Variants in ULK4 observed in about 807,000 individuals in gnomAD.
ULK4 encodes unc-51 like kinase 4.
A neutral mutation model predicts 160.6 loss-of-function variants in ULK4; 133 were observed. The ratio of observed to expected loss-of-function variants is 0.83; its 90% CI spans 0.72 to 0.96. ULK4 has a LOEUF of 0.96. Among genes scored for constraint, ULK4 ranks in the 40% least tolerant of loss-of-function variants. The probability of loss-of-function intolerance (pLI) is 0.00; values close to 1 mark genes in which losing one functional copy is unlikely to be tolerated. For synonymous variants in ULK4, 534 were observed against 539.8 expected, an observed-to-expected ratio of 0.99 and a Z score of 0.15; for missense variants, 1,580 against 1,499.5, an observed-to-expected ratio of 1.05 and a Z score of -0.89.
At chr3:41,535,006 G>A (rs2086450208) in intron 32 of ULK4, among the ~76,000 whole-genome samples, 1 of 152,026 alleles carries the variant, frequency 6.6e-6, no homozygotes, top group African/African-American at 2.4e-5. Context: ...CACACATAAG[G>A]GGAAAACGTA....
chr3:41,572,765 CAAA>C (rs34025379), intron 31 of ULK4, among the ~76,000 whole-genome samples: 5,033 of 81,294 alleles, frequency 0.062, 266 homozygotes, highest in African/African-American at 0.17. Context: ...GATTCCATCT[CAAA>C]AAAAAAAAAA....
intron 18 of ULK4, among the ~76,000 whole-genome samples, chr3:41,826,770 G>T (rs952182026): frequency 6.7e-6 from 1 of 148,438 alleles, no homozygotes; most frequent in Non-Finnish European, 1.5e-5. Flanking sequence ...AGTTAACAAG[G>T]ATATCCAGGA....
At chr3:41,475,916 T>TGAGGGAAGGAGC (rs2084127250) in intron 32 of ULK4, among the ~76,000 whole-genome samples, 1 of 128,614 alleles carries the variant, frequency 7.8e-6, no homozygotes, top group Non-Finnish European at 1.6e-5. Flanking sequence ...AGGGAAGGAG[T>TGAGGGAAGGAGC]GAGGGAAGGA....
At chr3:41,660,025 C>A (rs1485224513) in intron 30 of ULK4, among the ~76,000 whole-genome samples, 4 of 152,132 alleles carry the variant, frequency 2.6e-5, no homozygotes, top group African/African-American at 7.2e-5. Flanking sequence ...CAAGGTGGCT[C>A]ACGCCTGTAA....
At chr3:41,512,546 AC>A (rs1233155028) in intron 32 of ULK4, among the ~76,000 whole-genome samples, 11 of 152,242 alleles carry the variant, frequency 7.2e-5, no homozygotes, top group African/African-American at 2.4e-4. Context: ...TAAATAAAAC[AC>A]TTCAGAATAT....
chr3:41,563,483 G>A lies in ULK4; in HGVS notation c.3226+2542C>T, dbSNP rs541401683. On this transcript the variant is annotated intron_variant, in intron 32 of 36. Coordinates refer to ENST00000301831, the MANE Select transcript of ULK4 (RefSeq NM_017886.4). ...ACCTTGGTTCCATTCTCCCCGTCAC[G>A]TTCAGGTACACCAATCAAAAGTAGA... Among the ~76,000 whole-genome samples the A allele has an allele frequency of 3.9e-5, 6 of 152,224 alleles. No homozygotes were observed. In the South Asian group the frequency reaches 1.0e-3, roughly 26 times the overall value.
intron 22 of ULK4, among the ~76,000 whole-genome samples, chr3:41,750,719 G>C (rs2038591380): frequency 1.3e-5 from 2 of 151,958 alleles, no homozygotes; most frequent in Non-Finnish European, 2.9e-5. Flanking sequence ...GGTCTGGCCG[G>C]GTGTGGTGGC....
intron 32 of ULK4, among the ~76,000 whole-genome samples, chr3:41,530,121 C>T (rs982485691): frequency 3.3e-5 from 5 of 152,068 alleles, no homozygotes; most frequent in South Asian, 2.1e-4. Flanking sequence ...ATGGATTTTA[C>T]GATATGTGAA....
chr3:41,900,864 C>T (rs768807309), intron 12 of ULK4, 35 bp from the exon 13 acceptor site: 14 of 1,501,012 alleles, frequency 9.3e-6, no homozygotes, highest in Admixed American at 6.7e-5. Context: ...TTTGTTTCTG[C>T]GACTAATGTA....
intron 27 of ULK4, among the ~76,000 whole-genome samples, chr3:41,693,260 T>C (rs950209678): frequency 6.6e-6 from 1 of 152,192 alleles, no homozygotes; most frequent in Non-Finnish European, 1.5e-5. Context: ...ATATAAGGGA[T>C]TCTGGCAGTA....
At position 41,717,799 on chromosome 3, in the gene ULK4, C is replaced by A. The variant is rs1483543975; in HGVS notation, c.2384G>T (p.Gly795Val). ...KTTPGKEQQS[G>V]NEYLSKCLDL... ...CAGGCATTTGGACAGGTATTCATTGCCACTTTGCTGCTCCTTGCCTGGAGT... is the reference window on the plus strand; with the variant it reads ...CAGGCATTTGGACAGGTATTCATTGACACTTTGCTGCTCCTTGCCTGGAGT... The change falls in exon 23 of 37, where the codon GGC becomes GTC. Residue 795 changes from glycine (G) to valine (V), a missense_variant. By Grantham distance (109) the Gly-to-Val change is moderately radical. Coordinates refer to ENST00000301831, the MANE Select transcript of ULK4 (RefSeq NM_017886.4). The A allele has an allele frequency of 3.1e-6, 5 of 1,614,108 alleles. No homozygotes were observed. The highest frequency in any genetic ancestry group is 4.2e-6 in the Non-Finnish European group (5 of 1,179,988).
intron 35 of ULK4, among the ~76,000 whole-genome samples, chr3:41,279,255 T>TAAAAAAACA (rs2079296934): frequency 2.3e-5 from 1 of 43,074 alleles, no homozygotes; most frequent in Non-Finnish European, 4.3e-5. Flanking sequence ...AAAAAAAGAG[T>TAAAAAAACA]AAAAAAAAAA....
At chr3:41,635,618 T>G (rs1169771279) in intron 30 of ULK4, among the ~76,000 whole-genome samples, 2 of 152,202 alleles carry the variant, frequency 1.3e-5, no homozygotes, top group Non-Finnish European at 2.9e-5. Flanking sequence ...TACCATTTAG[T>G]GAGCATGTAC....
intron 32 of ULK4, among the ~76,000 whole-genome samples, chr3:41,528,576 C>CT (rs1327141157): frequency 3.3e-5 from 5 of 152,120 alleles, no homozygotes; most frequent in Admixed American, 2.0e-4. Context: ...AAAGTACTGG[C>CT]TTTTCCACTG....
chr3:41,554,130 G>T (rs2087193491), intron 32 of ULK4, among the ~76,000 whole-genome samples: 1 of 151,990 alleles, frequency 6.6e-6, no homozygotes, highest in Non-Finnish European at 1.5e-5. Flanking sequence ...ATAATAACCT[G>T]CAGTTCCACG....
chr3:41,681,236 C>T (rs545130272), intron 29 of ULK4, among the ~76,000 whole-genome samples: 1 of 152,252 alleles, frequency 6.6e-6, no homozygotes, highest in African/African-American at 2.4e-5. Context: ...GCCATGAACA[C>T]GTTTAAATCT....
At chr3:41,500,655 T>C (rs1295808547) in intron 32 of ULK4, among the ~76,000 whole-genome samples, 3 of 152,078 alleles carry the variant, frequency 2.0e-5, no homozygotes, top group Non-Finnish European at 4.4e-5. Context: ...ACTTCATCTA[T>C]ACATTCACTA....
intron 32 of ULK4, among the ~76,000 whole-genome samples, chr3:41,545,111 T>C (rs1356385629): frequency 6.6e-6 from 1 of 152,202 alleles, no homozygotes. Context: ...TGCGGCAGAT[T>C]TGTGGAGGTC....
chr3:41,871,077 C>T (rs911560281), intron 17 of ULK4, among the ~76,000 whole-genome samples: 4 of 152,156 alleles, frequency 2.6e-5, no homozygotes, highest in Non-Finnish European at 4.4e-5. Context: ...TTTCCTGAGG[C>T]CTCCCCAGCC....
Sources: allele counts gnomAD v4.1 joint callset (sites outside exome capture counted in the v4.1 genomes callset), GRCh38; gene constraint gnomAD v4.1.1; transcripts MANE v1.5; gene names NCBI Gene and HGNC (gene_info 2026-07-23, HGNC 2026-07-21).